The following NCAM1 variants were observed in gnomAD, a reference collection of about 807,000 sequenced individuals.
NCAM1 encodes antigen recognized by monoclonal antibody 5.1H11.
A neutral mutation model predicts 109.8 loss-of-function variants in NCAM1; 14 were observed. The observed-to-expected ratio is 0.13, with a 90% CI of 0.08 to 0.20. The LOEUF is 0.20. Among genes scored for constraint, NCAM1 ranks in the 10% least tolerant of loss-of-function variants. The probability of loss-of-function intolerance (pLI) is 1.00; values close to 1 mark genes in which losing one functional copy is unlikely to be tolerated. For synonymous variants in NCAM1, 418 were observed against 442.9 expected (o/e 0.94, Z 0.70); for missense variants, 774 against 1,109.9 (o/e 0.70, Z 4.30).
chr11:112,995,109 C>T (rs937103313), intron 1 of NCAM1, among the ~76,000 whole-genome samples: 1 of 151,972 alleles, frequency 6.6e-6, no homozygotes, highest in Non-Finnish European at 1.5e-5. Flanking sequence ...TGAATAAATG[C>T]TTTCGTACCT....
Position 113,257,642 on chromosome 11 carries a change from G to A in NCAM1, c.1953+1641G>A, listed in dbSNP as rs1441029294. Among the ~76,000 whole-genome samples, 6 of 152,280 alleles carry A rather than the reference G, an allele frequency of 3.9e-5. No homozygotes were observed. In the South Asian group the frequency reaches 1.0e-3, roughly 26 times the overall value. ...TTAGAAAGACACAGCTGGGCACAAC[G>A]CTGAAATATGTTAGATTTCAACAAC... On this transcript the variant is annotated intron_variant, in intron 16 of 19. Coordinates refer to ENST00000316851, the MANE Select transcript of NCAM1 (RefSeq NM_181351.5).
intron 14 of NCAM1, among the ~76,000 whole-genome samples, chr11:113,244,592 G>A (rs782754723): frequency 2.2e-4 from 33 of 151,994 alleles, no homozygotes; most frequent in Non-Finnish European, 1.6e-4. Flanking sequence ...AATATCCATC[G>A]ATCATCAATC....
chr11:113,155,714 T>C (rs1225133422), intron 1 of NCAM1, among the ~76,000 whole-genome samples: 7 of 152,066 alleles, frequency 4.6e-5, no homozygotes, highest in African/African-American at 1.7e-4. Flanking sequence ...TATGTCCTTT[T>C]CTTCATTCTC....
chr11:113,047,808 A>G (rs774285459), intron 1 of NCAM1, among the ~76,000 whole-genome samples: 33 of 152,190 alleles, frequency 2.2e-4, no homozygotes, highest in Admixed American at 5.2e-4. Flanking sequence ...CAAAACCATC[A>G]GATCTTGTGA....
chr11:113,234,116 G>A (rs1164793136), intron 13 of NCAM1, among the ~76,000 whole-genome samples: 1 of 151,580 alleles, frequency 6.6e-6, no homozygotes, highest in Admixed American at 6.6e-5. Flanking sequence ...CTTCTCGGGG[G>A]AGCCAGGGGG....
chr11:113,115,867 AATAC>A (rs2135989555), intron 1 of NCAM1, among the ~76,000 whole-genome samples: 1 of 152,342 alleles, frequency 6.6e-6, no homozygotes, highest in Non-Finnish European at 1.5e-5. Flanking sequence ...ATTGTGGGAA[AATAC>A]ACATGACATA....
In NCAM1 at chr11:113,124,559, T is replaced by C. The variant is rs575726024; in HGVS notation, c.53-77820T>C. Among the ~76,000 whole-genome samples, 4 of 152,366 alleles carry C rather than the reference T, an allele frequency of 2.6e-5. No individual in the cohort carries two copies. In the East Asian group the frequency reaches 7.7e-4, roughly 29 times the overall value. On this transcript the variant is annotated intron_variant, in intron 1 of 19. Transcript: ENST00000316851. ...TTTACAGTCACAAGATATTTCTGAA[T>C]TCTTTGCTTTTAGTCTTGCGGTTCA... is the stretch of plus-strand genomic sequence containing the variant.
intron 14 of NCAM1, chr11:113,236,397 C>G: frequency 6.8e-7 from 1 of 1,473,476 alleles, no homozygotes; most frequent in Non-Finnish European, 9.5e-7. Flanking sequence ...GTTCTGGTCC[C>G]TTTTTTGTCC....
chr11:113,252,329 C>G (rs1555121479), intron 15 of NCAM1, among the ~76,000 whole-genome samples: 1 of 147,906 alleles, frequency 6.8e-6, no homozygotes, highest in East Asian at 2.0e-4. Context: ...TCGCTTGAGT[C>G]ATGGAGATTA....
intron 1 of NCAM1, among the ~76,000 whole-genome samples, chr11:113,186,078 G>A (rs1359099779): frequency 6.6e-6 from 1 of 152,182 alleles, no homozygotes; most frequent in Admixed American, 6.5e-5. Flanking sequence ...GCATGGCCAG[G>A]CACTATGCTG....
At chr11:113,253,290 G>A (rs782687388) in intron 15 of NCAM1, among the ~76,000 whole-genome samples, 3 of 152,138 alleles carry the variant, frequency 2.0e-5, no homozygotes, top group Non-Finnish European at 4.4e-5. Flanking sequence ...AAAGCAAAAA[G>A]TTGACAACTT....
intron 1 of NCAM1, among the ~76,000 whole-genome samples, chr11:113,148,697 A>G (rs1408665566): frequency 1.3e-5 from 2 of 152,210 alleles, no homozygotes; most frequent in African/African-American, 2.4e-5. Flanking sequence ...GTCAGGCATC[A>G]CCATAGGTAC....
rs539462059 is a variant in NCAM1 at position 113,066,229 on chromosome 11, T to A, written c.52+104565T>A. On this transcript the variant is annotated intron_variant, in intron 1 of 19. Transcript: ENST00000316851. ...GGACAGTTCAGTGAGAAAAAAAAAATCTGTAGGCAAGAAATGATTCTCTAA... is the reference window on the plus strand; with the variant it reads ...GGACAGTTCAGTGAGAAAAAAAAAAACTGTAGGCAAGAAATGATTCTCTAA... Among the ~76,000 whole-genome samples the A allele has an allele frequency of 3.9e-5, 6 of 152,096 alleles. No homozygotes were observed. In the South Asian group the frequency reaches 1.2e-3, roughly 32 times the overall value.
chr11:113,091,516 C>A (rs782052910), intron 1 of NCAM1, among the ~76,000 whole-genome samples: 51 of 151,962 alleles, frequency 3.4e-4, no homozygotes, highest in Admixed American at 2.6e-4. Context: ...AGGCTAGGAT[C>A]GAAATGTTAA....
intron 1 of NCAM1, among the ~76,000 whole-genome samples, chr11:113,021,105 T>A (rs1369766721): frequency 6.6e-6 from 1 of 152,158 alleles, no homozygotes; most frequent in Non-Finnish European, 1.5e-5. Flanking sequence ...ACTGCTAACT[T>A]GTAGGGTAAG....
intron 1 of NCAM1, among the ~76,000 whole-genome samples, chr11:113,115,113 G>A (rs950514510): frequency 6.6e-6 from 1 of 152,206 alleles, no homozygotes; most frequent in Non-Finnish European, 1.5e-5. Context: ...CATCCTGGGA[G>A]CAAGGTGGCT....
chr11:113,129,743 A>G (rs1941318458), intron 1 of NCAM1, among the ~76,000 whole-genome samples: 1 of 152,232 alleles, frequency 6.6e-6, no homozygotes, highest in Non-Finnish European at 1.5e-5. Flanking sequence ...AAGATTTCTT[A>G]TGAGACTGCG....
chr11:113,266,853 G>A lies in NCAM1; in HGVS notation c.2132-3335G>A, dbSNP rs183342705. ...AGACTGGCATTAGGGAACCTGTACC[G>A]TGTGCCAGGCAGTGTAGAATGTATG... On this transcript the variant is annotated intron_variant, in intron 17 of 19. Transcript: ENST00000316851. Among the ~76,000 whole-genome samples, 22 of 152,282 alleles carry A rather than the reference G, an allele frequency of 1.4e-4. No individual in the cohort carries two copies. In the East Asian group the frequency reaches 1.5e-3, roughly 11 times the overall value.
chr11:113,254,552 T>C (rs1385586502), intron 15 of NCAM1, among the ~76,000 whole-genome samples: 1 of 152,198 alleles, frequency 6.6e-6, no homozygotes, highest in Admixed American at 6.5e-5. Context: ...TTCTCTCTGG[T>C]TCCTCCTCGT....
Sources: gnomAD v4.1 joint callset for allele counts (sites outside exome capture counted in the v4.1 genomes callset) on GRCh38, gnomAD v4.1.1 for gene constraint, MANE v1.5 for transcripts, NCBI Gene and HGNC (gene_info 2026-07-23, HGNC 2026-07-21) for gene names.